Variants in FGFR2 observed in about 807,000 individuals in gnomAD.
FGFR2 encodes the protein fibroblast growth factor receptor 2, also known as BEK fibroblast growth factor receptor.
A neutral mutation model predicts 95.9 loss-of-function variants in FGFR2; 19 were observed. That is an observed-to-expected ratio of 0.20 (90% CI 0.14 to 0.29). The LOEUF (loss-of-function observed/expected upper bound fraction) is 0.29, where lower values mean the gene tolerates loss of function less well. Ranked by LOEUF, FGFR2 falls within the 10% of genes least tolerant of loss-of-function variation. FGFR2 has a pLI of 1.00. For missense variants in FGFR2, 707 were observed against 1,056.9 expected, an observed-to-expected ratio of 0.67 and a Z score of 4.59; for synonymous variants, 392 against 393.3, an observed-to-expected ratio of 1.00 and a Z score of 0.04.
In FGFR2 at chr10:121,479,991, G is replaced by A. The variant is rs1388165238; in HGVS notation, c.2332C>T (p.Gln778Ter). The change falls in exon 18 of 18, where the codon CAG becomes TAG. Residue 778 changes from glutamine to a stop codon, truncating the protein, a stop_gained. Transcript: ENST00000358487. LOFTEE classifies it high-confidence loss of function. The stretch of plus-strand genomic sequence containing the variant: ...GTGTCAGGGTAACTAGGTGAATACT[G>A]TTCGAGAGGTTGGCTGAGGTCCAAG... ...EYLDLSQPLE[Q>*]YSPSYPDTRS... 1.9e-6 allele frequency: 3 copies of A among 1,614,218 alleles called. No individual in the cohort carries two copies.
rs200562301 is a variant in FGFR2 at position 121,593,785 on chromosome 10, G to A, written c.33C>T (p.Val11=). ...GGGACAAGGTTGCCATGGTGACCAC[G>A]ACCAGGCAGATGAAACGACCCCAGC... MVSWGRFICL[V]VVTMATLSLA... Residue 11 remains valine, a synonymous_variant, in exon 2 of 18, where the codon GTC becomes GTT. Coordinates refer to ENST00000358487, the MANE Select transcript of FGFR2 (RefSeq NM_000141.5). 4.3e-5 allele frequency: 70 copies of A among 1,614,028 alleles called. No individual in the cohort carries two copies. In the East Asian group the frequency reaches 1.2e-3, roughly 27 times the overall value.
chr10:121,574,115 T>G (rs1054589466), intron 2 of FGFR2, among the ~76,000 whole-genome samples: 1 of 152,180 alleles, frequency 6.6e-6, no homozygotes, highest in Non-Finnish European at 1.5e-5. Flanking sequence ...CCCAATTCTC[T>G]GTCCGTAGGA....
Position 121,598,275 on chromosome 10 carries a change from G to A in FGFR2, c.-464C>T. The A allele has an allele frequency of 2.6e-6, 1 of 383,830 alleles. No individual in the cohort carries two copies. Among genetic ancestry groups the A allele is most frequent in the Non-Finnish European group, 4.6e-6 (1 of 216,572 alleles). The allele number at this position is 383,830 out of a possible 1,614,324, so 23.8% of individuals were successfully genotyped here. ...GAGCGCGCAGGCAAGCTGCGGCCTC[G>A]GGGCCCCCGGGGCTCGCGGCCGGCC... On this transcript the variant is annotated 5_prime_UTR_variant, in exon 1 of 18. Transcript: ENST00000358487.
intron 6 of FGFR2, among the ~76,000 whole-genome samples, chr10:121,529,862 G>T (rs984250791): frequency 6.6e-6 from 1 of 152,136 alleles, no homozygotes; most frequent in Non-Finnish European, 1.5e-5. Flanking sequence ...AGCGTGCCAC[G>T]TGCTTCAAGG....
intron 2 of FGFR2, among the ~76,000 whole-genome samples, chr10:121,568,036 A>T (rs1164119030): frequency 6.6e-6 from 1 of 152,346 alleles, no homozygotes; most frequent in African/African-American, 2.4e-5. Flanking sequence ...AAGGCTGGTT[A>T]AGTCAAAATG....
Position 121,480,490 on chromosome 10 carries a change from C to G in FGFR2, c.2302-469G>C, listed in dbSNP as rs778428468. The G allele has an allele frequency of 5.7e-5, 15 of 264,888 alleles. No individual in the cohort carries two copies. The East Asian group carries it at 7.3e-4, about 13-fold the overall frequency. The allele number at this position is 264,888 out of a possible 1,614,324, so 16.4% of individuals were successfully genotyped here. On this transcript the variant is annotated intron_variant, in intron 17 of 17. Coordinates refer to ENST00000358487, the MANE Select transcript of FGFR2 (RefSeq NM_000141.5). ...GGTAACATGTTGTGGGTCCCCAGAC[C>G]CCCTTTAAGTAGTTGAGACTATGAA...
intron 15 of FGFR2, 107 bp downstream of exon 15, chr10:121,487,229 AGCTCCTGCACCTTCTACG>A (rs1845536961): frequency 5.6e-5 from 10 of 177,452 alleles, no homozygotes; most frequent in Admixed American, 1.8e-4. Flanking sequence ...TTCTAAGGCC[AGCTCCTGCACCTTCTACG>A]AATGTGTGAA....
At position 121,485,285 on chromosome 10, in the gene FGFR2, T is replaced by TAA; in HGVS notation, c.2195+109_2195+110insTT. On this transcript the variant is annotated intron_variant, in intron 16 of 17. Transcript: ENST00000358487. The surrounding 1 kb of genome is among the most constrained non-coding windows in gnomAD (Gnocchi z 4.2). ...CCCAGAGAGCTTCAGCCATTCTTCT[T>TAA]AGAGCATGTTTAGGAAACCAGGGGC... is the stretch of plus-strand genomic sequence containing the variant. The TAA allele has an allele frequency of 6.9e-7, 1 of 1,453,768 alleles. No homozygotes were observed. The highest frequency in any genetic ancestry group is 9.6e-7 in the Non-Finnish European group (1 of 1,037,560). The allele number at this position is 1,453,768 out of a possible 1,614,324, so 90.1% of individuals were successfully genotyped here.
intron 2 of FGFR2, among the ~76,000 whole-genome samples, chr10:121,580,793 A>G (rs1019518289): frequency 1.3e-5 from 2 of 152,210 alleles, no homozygotes; most frequent in African/African-American, 2.4e-5. Context: ...TCCCTGCTCC[A>G]AACCGCATAT....
intron 6 of FGFR2, among the ~76,000 whole-genome samples, chr10:121,525,634 AG>A: frequency 6.6e-6 from 1 of 151,750 alleles, no homozygotes; most frequent in Admixed American, 6.6e-5. Context: ...GGAGAGAGAG[AG>A]AGAGAGAGAG....
chr10:121,576,585 TTG>T (rs537904725), intron 2 of FGFR2, among the ~76,000 whole-genome samples: 2 of 152,014 alleles, frequency 1.3e-5, no homozygotes, highest in African/African-American at 4.8e-5. Context: ...CCCTACAGAG[TTG>T]TCACTCTGTA....
chr10:121,521,645 GA>G (rs140816466), intron 6 of FGFR2, among the ~76,000 whole-genome samples: 132,272 of 148,138 alleles, frequency 0.89, 60,758 homozygotes, highest in East Asian at 1. Context: ...GTCAGGATGG[GA>G]AGAAAAAAAA....
intron 2 of FGFR2, among the ~76,000 whole-genome samples, chr10:121,590,702 A>C (rs2981584): frequency 0.55 from 83,677 of 152,044 alleles, 23,385 homozygotes; most frequent in East Asian, 0.62. Context: ...CACAAAGCCA[A>C]GATGACTAAA....
chr10:121,570,380 G>T (rs1237577057), intron 2 of FGFR2, among the ~76,000 whole-genome samples: 1 of 152,184 alleles, frequency 6.6e-6, no homozygotes, highest in African/African-American at 2.4e-5. Context: ...AATCCCCTGT[G>T]CCTGCATGTG....
Position 121,564,337 on chromosome 10 carries a change from T to C in FGFR2, c.454+165A>G, listed in dbSNP as rs891700290. 3 of 670,550 alleles carry C rather than the reference T, an allele frequency of 4.5e-6. No individual in the cohort carries two copies. The Admixed American group carries it at 7.0e-5, about 16-fold the overall frequency. The allele number at this position is 670,550 out of a possible 1,614,324, so 41.5% of individuals were successfully genotyped here. On this transcript the variant is annotated intron_variant, in intron 4 of 17. Transcript: ENST00000358487. The stretch of plus-strand genomic sequence containing the variant: ...GATAGAGAAGGCTGTGCAGCAACAC[T>C]GGTTTATTCTCAGGTTTGAAAGTCA...
At chr10:121,508,769 G>C (rs1160283604) in intron 9 of FGFR2, among the ~76,000 whole-genome samples, 1 of 152,222 alleles carries the variant, frequency 6.6e-6, no homozygotes, top group Non-Finnish European at 1.5e-5. Flanking sequence ...CGGGGGAAAA[G>C]GGTAAGAAAA....
Position 121,548,784 on chromosome 10 carries a change from T to C in FGFR2, c.624+2506A>G, listed in dbSNP as rs558254081. Among the ~76,000 whole-genome samples, 45 of 152,286 alleles carry C rather than the reference T, an allele frequency of 3.0e-4. No homozygotes were observed. In the South Asian group the frequency reaches 7.3e-3, roughly 25 times the overall value. ...ATTGGAACTGCATCAATTATGTGAGTTTCAGAAAGCATTTGGTGGTTAAAA... is the reference window on the plus strand; with the variant it reads ...ATTGGAACTGCATCAATTATGTGAGCTTCAGAAAGCATTTGGTGGTTAAAA... On this transcript the variant is annotated intron_variant, in intron 5 of 17. Coordinates refer to ENST00000358487, the MANE Select transcript of FGFR2 (RefSeq NM_000141.5).
chr10:121,542,642 A>T (rs1282023808), intron 5 of FGFR2, among the ~76,000 whole-genome samples: 2 of 152,194 alleles, frequency 1.3e-5, no homozygotes, highest in Non-Finnish European at 2.9e-5. Context: ...AGACTTTTTT[A>T]AAATAACATT....
intron 12 of FGFR2, 83 bp downstream of exon 12, chr10:121,498,412 G>A (rs976371987): frequency 1.8e-5 from 16 of 910,520 alleles, no homozygotes; most frequent in Non-Finnish European, 2.4e-5. Context: ...TCTGGGAGCA[G>A]GATCTGGAAG....
Sources: allele counts gnomAD v4.1 joint callset (sites outside exome capture counted in the v4.1 genomes callset), GRCh38; gene constraint gnomAD v4.1.1; non-coding constraint Gnocchi (gnomAD v3.1); transcripts MANE v1.5; gene names NCBI Gene and HGNC (gene_info 2026-07-23, HGNC 2026-07-21).